The following HTR6 variants were observed in gnomAD, a reference collection of about 807,000 sequenced individuals.
HTR6 encodes the protein 5-hydroxytryptamine (serotonin) receptor 6, G protein-coupled.
HTR6 carries 15 observed loss-of-function variants against 17.4 expected under a neutral mutation model. The ratio of observed to expected loss-of-function variants is 0.86; its 90% confidence interval spans 0.58 to 1.33. The LOEUF (loss-of-function observed/expected upper bound fraction) is 1.33, where lower values mean the gene tolerates loss of function less well. HTR6 is among the 40% of genes most tolerant of loss of function. The pLI is 0.00. For synonymous variants in HTR6, 326 were observed against 295.5 expected, an observed-to-expected ratio of 1.10 and a Z score of -1.06; for missense variants, 578 against 616.0, an observed-to-expected ratio of 0.94 and a Z score of 0.65.
chr1:19,676,718 T>C (rs969715894), intron 1 of HTR6, among the ~76,000 whole-genome samples: 2 of 152,166 alleles, frequency 1.3e-5, no homozygotes, highest in South Asian at 2.1e-4. Context: ...TGGCTTTGCC[T>C]CCTCCGCCTT....
In HTR6 at chr1:19,665,543, A is replaced by C. The variant is rs1054522183; in HGVS notation, c.-211A>C. On this transcript the variant is annotated 5_prime_UTR_variant, in exon 1 of 3. Transcript: ENST00000289753. This position sits in a 1 kb window ranked among gnomAD's most constrained non-coding sequence, Gnocchi z 4.2. ...CCTGCCCCATCCCCGAGGGCGCCCA[A>C]ATAGCCACACTGTGTCCTCCTGTAG... 3 of 451,192 alleles carry C rather than the reference A, an allele frequency of 6.6e-6. No homozygotes were observed. Among genetic ancestry groups the C allele is most frequent in the Admixed American group, 4.3e-5 (1 of 23,174 alleles). The allele number at this position is 451,192 out of a possible 1,614,324, so 27.9% of individuals were successfully genotyped here.
At chr1:19,667,489 C>T (rs1037487308) in intron 1 of HTR6, among the ~76,000 whole-genome samples, 2 of 151,948 alleles carry the variant, frequency 1.3e-5, no homozygotes, top group Non-Finnish European at 2.9e-5. Flanking sequence ...GATCTTGGCT[C>T]ACTGCAACCT....
chr1:19,678,082 C>T (rs527610814), intron 1 of HTR6, among the ~76,000 whole-genome samples: 1 of 152,328 alleles, frequency 6.6e-6, no homozygotes, highest in African/African-American at 2.4e-5. Flanking sequence ...TTGGAAGGTG[C>T]TGGGCTCATT....
In HTR6 at chr1:19,666,781, C is replaced by A. The variant is rs531265626; in HGVS notation, c.714+314C>A. The stretch of plus-strand genomic sequence containing the variant: ...AATGGCACCATTGCGGCATCACATG[C>A]CAGGAACTTAGGAATACTTTTCTCC... On this transcript the variant is annotated intron_variant, in intron 1 of 2. Coordinates refer to ENST00000289753, the MANE Select transcript of HTR6 (RefSeq NM_000871.3). The surrounding 1 kb of genome is among the most constrained non-coding windows in gnomAD (Gnocchi z 4.5). 6.6e-6 allele frequency among the ~76,000 whole-genome samples: 1 copy of A among 152,136 alleles called. No individual in the cohort carries two copies. The highest frequency in any genetic ancestry group is 1.5e-5 in the Non-Finnish European group (1 of 68,002).
Position 19,680,551 on chromosome 1 carries a change from C to T in HTR6, c.*1183C>T, listed in dbSNP as rs78706458. ...AAGGGAACAACTGATGGGGATAAACCCAGCCCCTTGCCCACCTGCCTCTGG... is the reference window on the plus strand; with the variant it reads ...AAGGGAACAACTGATGGGGATAAACTCAGCCCCTTGCCCACCTGCCTCTGG... On this transcript the variant is annotated 3_prime_UTR_variant, in exon 3 of 3. Coordinates refer to ENST00000289753, the MANE Select transcript of HTR6 (RefSeq NM_000871.3). Among the ~76,000 whole-genome samples the T allele has an allele frequency of 6.3e-3, 963 of 152,296 alleles. 12 individuals are homozygous for T. The highest frequency in any genetic ancestry group is 0.022 in the African/African-American group (929 of 41,564).
rs752622966 is a variant in HTR6, at chr1:19,665,798, G to T, written c.45G>T (p.Trp15Cys). 3 of 1,516,136 alleles carry T rather than the reference G, an allele frequency of 2.0e-6. No homozygotes were observed. The highest frequency in any genetic ancestry group is 4.8e-5 in the East Asian group (2 of 41,476). 93.9% of individuals were successfully genotyped at this position (1,516,136 alleles called of 1,614,324 possible). A position where few individuals can be genotyped will look rare whatever the true frequency, so the allele number is the denominator to read the frequency against. Residue 15 changes from tryptophan to cysteine, a missense_variant, in exon 1 of 3, where the codon TGG becomes TGT. Trp to Cys is a radical substitution (Grantham distance 215, BLOSUM62 -2). Coordinates refer to ENST00000289753, the MANE Select transcript of HTR6 (RefSeq NM_000871.3). This position sits in a 1 kb window ranked among gnomAD's most constrained non-coding sequence, Gnocchi z 4.2. Reference protein sequence around the residue: ...PGPTANSTPAWGAGPPSAPGG... With the variant: ...PGPTANSTPACGAGPPSAPGG... ...CAACCGCCAATAGCACCCCGGCCTG[G>T]GGGGCAGGGCCGCCGTCGGCCCCGG... is the stretch of plus-strand genomic sequence containing the variant.
intron 1 of HTR6, among the ~76,000 whole-genome samples, chr1:19,676,002 T>C (rs972080234): frequency 6.6e-5 from 10 of 152,108 alleles, no homozygotes; most frequent in Admixed American, 6.5e-4. Flanking sequence ...GAGCATCCTC[T>C]AGTCATAGCA....
chr1:19,675,227 C>T (rs553862111), intron 1 of HTR6, among the ~76,000 whole-genome samples: 52 of 152,320 alleles, frequency 3.4e-4, no homozygotes, highest in African/African-American at 1.1e-3. Flanking sequence ...TTTGCCTCTC[C>T]GAGCCTCAGT....
In HTR6 at chr1:19,679,830, C is replaced by G. The variant is rs1395022708; in HGVS notation, c.*462C>G. On this transcript the variant is annotated 3_prime_UTR_variant, in exon 3 of 3. Transcript: ENST00000289753. The surrounding 1 kb of genome is among the most constrained non-coding windows in gnomAD (Gnocchi z 4.9). ...CACCTTTGGGAGTTTGTGAAAAATG[C>G]ACATCTCTGCCCCTGCCCAGACCTG... 6.6e-6 allele frequency among the ~76,000 whole-genome samples: 1 copy of G among 152,232 alleles called. No homozygotes were observed. The highest frequency in any genetic ancestry group is 6.5e-5 in the Admixed American group (1 of 15,286).
intron 1 of HTR6, among the ~76,000 whole-genome samples, chr1:19,675,380 G>A (rs145804926): frequency 4.6e-4 from 70 of 152,236 alleles, no homozygotes; most frequent in African/African-American, 1.7e-3. Flanking sequence ...TCAGGTTTTG[G>A]TTGGAGGCCT....
chr1:19,674,649 G>A (rs1175058233), intron 1 of HTR6, among the ~76,000 whole-genome samples: 1 of 152,114 alleles, frequency 6.6e-6, no homozygotes, highest in Non-Finnish European at 1.5e-5. Flanking sequence ...CAAGTGATCT[G>A]CCCACCTTGG....
chr1:19,674,350 A>G (rs1384413439), intron 1 of HTR6, among the ~76,000 whole-genome samples: 4 of 150,890 alleles, frequency 2.7e-5, no homozygotes, highest in African/African-American at 9.8e-5. Flanking sequence ...CTTTTAAAAC[A>G]TCTGTGTAGT....
intron 1 of HTR6, among the ~76,000 whole-genome samples, chr1:19,672,304 C>A (rs185733404): frequency 4.6e-5 from 7 of 152,196 alleles, no homozygotes; most frequent in Non-Finnish European, 5.9e-5. Flanking sequence ...CCATCAATTT[C>A]TCCCGCTTTT....
intron 1 of HTR6, among the ~76,000 whole-genome samples, chr1:19,677,619 G>A (rs1029596621): frequency 4.6e-5 from 7 of 152,204 alleles, no homozygotes; most frequent in Admixed American, 4.6e-4. Context: ...GGGCTCAAGA[G>A]TAATTGCCCA....
At position 19,666,571 on chromosome 1, in the gene HTR6, C is replaced by T. The variant is rs2095082014; in HGVS notation, c.714+104C>T. 1.2e-6 allele frequency: 1 copy of T among 839,178 alleles called. No homozygotes were observed. Among genetic ancestry groups the T allele is most frequent in the Non-Finnish European group, 1.8e-6 (1 of 553,034 alleles). The allele number at this position is 839,178 out of a possible 1,614,324, so 52.0% of individuals were successfully genotyped here. A position where few individuals can be genotyped will look rare whatever the true frequency, so the allele number is the denominator to read the frequency against. On this transcript the variant is annotated intron_variant, in intron 1 of 2. Coordinates refer to ENST00000289753, the MANE Select transcript of HTR6 (RefSeq NM_000871.3). The surrounding 1 kb of genome is among the most constrained non-coding windows in gnomAD (Gnocchi z 4.5). The stretch of plus-strand genomic sequence containing the variant: ...CACTTAGCACACATTTGCTCATGGC[C>T]CTGCGTGGCTGTTGTGAGCGCCCAC...
At position 19,665,579 on chromosome 1, in the gene HTR6, CT is replaced by C. The variant is rs1319856090; in HGVS notation, c.-174del. ...TGTGTCCTCCTGTAGTCGCTGCCCC[CT>C]GACCTAGCGCGACCCAGCGCCCCCG... On this transcript the variant is annotated 5_prime_UTR_variant, in exon 1 of 3. Coordinates refer to ENST00000289753, the MANE Select transcript of HTR6 (RefSeq NM_000871.3). The surrounding 1 kb of genome is among the most constrained non-coding windows in gnomAD (Gnocchi z 4.2). 7.7e-6 allele frequency: 4 copies of C among 520,768 alleles called. No homozygotes were observed. Among genetic ancestry groups the C allele is most frequent in the Non-Finnish European group, 1.0e-5 (3 of 297,214 alleles). 32.3% of individuals were successfully genotyped at this position (520,768 alleles called of 1,614,324 possible).
intron 1 of HTR6, among the ~76,000 whole-genome samples, chr1:19,668,998 G>C (rs6658108): frequency 6.6e-6 from 1 of 151,994 alleles, no homozygotes; most frequent in African/African-American, 2.4e-5. Context: ...TTCTCTTGAC[G>C]CACCTAGAAG....
At position 19,666,434 on chromosome 1, in the gene HTR6, C is replaced by T. The variant is rs767096484; in HGVS notation, c.681C>T (p.Thr227=). The change falls in exon 1 of 3, where the codon ACC becomes ACT. Residue 227 remains threonine (T), a synonymous_variant. Transcript: ENST00000289753. The surrounding 1 kb of genome is among the most constrained non-coding windows in gnomAD (Gnocchi z 4.5). ...KQAVQVASLT[T]GMASQASETL... is the part of the protein sequence containing the mutation. Reference sequence around the variant, plus strand: ...CCGTGCAGGTGGCCTCCCTCACCACCGGCATGGCCAGTCAGGCCTCGGAGA... The same window carrying T: ...CCGTGCAGGTGGCCTCCCTCACCACTGGCATGGCCAGTCAGGCCTCGGAGA... 7 of 1,612,140 alleles carry T rather than the reference C, an allele frequency of 4.3e-6. No homozygotes were observed. The highest frequency in any genetic ancestry group is 1.7e-5 in the Admixed American group (1 of 59,938).
At chr1:19,678,467 G>A (rs1216544013) in intron 1 of HTR6, 100 bp from the exon 2 acceptor site, 8 of 1,424,442 alleles carry the variant, frequency 5.6e-6, no homozygotes, top group Non-Finnish European at 7.9e-6. Flanking sequence ...CTGGCACTAG[G>A]GCTCAGTCTA....
Sources: allele counts gnomAD v4.1 joint callset (sites outside exome capture counted in the v4.1 genomes callset), GRCh38; gene constraint gnomAD v4.1.1; non-coding constraint Gnocchi (gnomAD v3.1); transcripts MANE v1.5; gene names NCBI Gene and HGNC (gene_info 2026-07-23, HGNC 2026-07-21).